The following SMARCA5 variants were observed in gnomAD, a reference collection of about 807,000 sequenced individuals.
SMARCA5 encodes the protein SWI/SNF-related matrix-associated actin-dependent regulator of chromatin subfamily A member 5.
In SMARCA5, 18 loss-of-function variants were observed where a neutral mutation model predicts 140.4. The observed-to-expected ratio is 0.13, with a 90% CI of 0.09 to 0.19. The LOEUF is 0.19. SMARCA5 is among the 10% of genes least tolerant of loss of function. The pLI is 1.00. For missense variants in SMARCA5, 606 were observed against 1,276.8 expected (o/e 0.47, Z 8.01); for synonymous variants, 449 against 419.6 (o/e 1.07, Z -0.86).
At chr4:143,546,684 T>G in intron 19 of SMARCA5, 92 bp from the exon 20 acceptor site, 1 of 1,215,542 alleles carries the variant, frequency 8.2e-7, no homozygotes, top group Non-Finnish European at 1.1e-6. Context: ...CTAGTGAAAA[T>G]TTGTTTTTGT....
At chr4:143,547,319 C>A in intron 20 of SMARCA5, 66 bp from the exon 21 acceptor site, 1 of 832,484 alleles carries the variant, frequency 1.2e-6, no homozygotes, top group South Asian at 1.6e-5. Flanking sequence ...TCCAGTTGAT[C>A]CCATTTTTTT....
chr4:143,520,444 A>C (rs1290390868), intron 2 of SMARCA5, among the ~76,000 whole-genome samples: 1 of 152,202 alleles, frequency 6.6e-6, no homozygotes, highest in Non-Finnish European at 1.5e-5. Flanking sequence ...TGACCCAATG[A>C]AACACTATAA....
chr4:143,550,224 A>ATTTTT, intron 23 of SMARCA5, 120 bp downstream of exon 23: 1 of 271,970 alleles, frequency 3.7e-6, no homozygotes, highest in Non-Finnish European at 6.2e-6. Context: ...CATTGCCTTT[A>ATTTTT]CTTTTTTTTT....
chr4:143,536,238 C>T (rs970175980), intron 10 of SMARCA5, among the ~76,000 whole-genome samples: 3 of 151,952 alleles, frequency 2.0e-5, no homozygotes, highest in African/African-American at 2.4e-5. Context: ...AGGCCCAAGG[C>T]GTAAGTATGA....
At chr4:143,518,613 A>C (rs1181250266) in intron 2 of SMARCA5, among the ~76,000 whole-genome samples, 1 of 152,142 alleles carries the variant, frequency 6.6e-6, no homozygotes, top group East Asian at 1.9e-4. Flanking sequence ...ATAGCTTCAA[A>C]ATCTTAAAAT....
rs1013452991 is a variant in SMARCA5, at chr4:143,545,378, T to C, written c.2284-92T>C. On this transcript the variant is annotated intron_variant, in intron 17 of 23. Transcript: ENST00000283131. Reference sequence around the variant, plus strand: ...AAGATGCATTCAGTTGCTTGCAGAATTGGCTGTTGTGGTTTATGAAGTGAG... The same window carrying C: ...AAGATGCATTCAGTTGCTTGCAGAACTGGCTGTTGTGGTTTATGAAGTGAG... 7.9e-5 allele frequency: 59 copies of C among 746,804 alleles called. No homozygotes were observed. The East Asian group carries it at 1.4e-3, about 18-fold the overall frequency. The allele number at this position is 746,804 out of a possible 1,614,324, so 46.3% of individuals were successfully genotyped here. A position where few individuals can be genotyped will look rare whatever the true frequency, so the allele number is the denominator to read the frequency against.
At chr4:143,522,823 C>T (rs1005723893) in intron 3 of SMARCA5, among the ~76,000 whole-genome samples, 1 of 151,760 alleles carries the variant, frequency 6.6e-6, no homozygotes, top group African/African-American at 2.4e-5. Context: ...CCTAATTTAT[C>T]TTTTTTATAA....
chr4:143,548,921 A>AT (rs1376586986), intron 22 of SMARCA5, among the ~76,000 whole-genome samples: 5 of 151,858 alleles, frequency 3.3e-5, no homozygotes, highest in Admixed American at 1.3e-4. Context: ...ACCACTGAAA[A>AT]TTTTTTTTCA....
At chr4:143,528,254 G>A (rs1057329667) in intron 7 of SMARCA5, among the ~76,000 whole-genome samples, 1 of 151,998 alleles carries the variant, frequency 6.6e-6, no homozygotes. Flanking sequence ...CCCACTCCCC[G>A]ACAGGTCCTG....
At chr4:143,517,748 T>C (rs1048886121) in intron 2 of SMARCA5, among the ~76,000 whole-genome samples, 5 of 152,190 alleles carry the variant, frequency 3.3e-5, no homozygotes, top group Admixed American at 6.5e-5. Flanking sequence ...AATCTTTTCC[T>C]AATCACCTCT....
intron 8 of SMARCA5, among the ~76,000 whole-genome samples, chr4:143,529,490 C>T (rs1737139883): frequency 6.6e-6 from 1 of 152,080 alleles, no homozygotes; most frequent in African/African-American, 2.4e-5. Context: ...ACAAATAGAA[C>T]CTAATCTTTA....
intron 14 of SMARCA5, among the ~76,000 whole-genome samples, chr4:143,542,109 C>T (rs1737440174): frequency 2.0e-5 from 3 of 152,164 alleles, no homozygotes; most frequent in African/African-American, 4.8e-5. Context: ...ATCCACCCAC[C>T]TCAGCCTCCC....
intron 13 of SMARCA5, 146 bp downstream of exon 13, chr4:143,539,084 T>G: frequency 1.4e-6 from 1 of 735,742 alleles, no homozygotes; most frequent in Non-Finnish European, 2.2e-6. Context: ...TGAGGTGATC[T>G]TCCATCTAAA....
At chr4:143,548,987 A>G (rs544343509) in intron 22 of SMARCA5, among the ~76,000 whole-genome samples, 12 of 152,256 alleles carry the variant, frequency 7.9e-5, no homozygotes, top group African/African-American at 2.4e-4. Flanking sequence ...ACTTAAATAC[A>G]TGAAGATACT....
Position 143,553,273 on chromosome 4 carries a change from G to A in SMARCA5, c.*89G>A. On this transcript the variant is annotated 3_prime_UTR_variant, in exon 24 of 24. Coordinates refer to ENST00000283131, the MANE Select transcript of SMARCA5 (RefSeq NM_003601.4). Reference sequence around the variant, plus strand: ...AAGATGTACTGTACAATGCTCAATTGTTATGTCATTTAAAGACATCAGGTT... The same window carrying A: ...AAGATGTACTGTACAATGCTCAATTATTATGTCATTTAAAGACATCAGGTT... The A allele has an allele frequency of 3.4e-6, 3 of 880,920 alleles. No individual in the cohort carries two copies. Among genetic ancestry groups the A allele is most frequent in the Non-Finnish European group, 5.7e-6 (3 of 526,322 alleles). The allele number at this position is 880,920 out of a possible 1,614,324, so 54.6% of individuals were successfully genotyped here. A position where few individuals can be genotyped will look rare whatever the true frequency, so the allele number is the denominator to read the frequency against.
At chr4:143,517,100 T>G (rs1175533347) in intron 1 of SMARCA5, among the ~76,000 whole-genome samples, 1 of 152,220 alleles carries the variant, frequency 6.6e-6, no homozygotes, top group Non-Finnish European at 1.5e-5. Flanking sequence ...TTTAGGATGA[T>G]GAAGATAATC....
intron 11 of SMARCA5, 31 bp from the exon 12 acceptor site, chr4:143,538,559 A>G: frequency 6.3e-7 from 1 of 1,598,140 alleles, no homozygotes; most frequent in Non-Finnish European, 8.6e-7. Flanking sequence ...TTTTGAAGCC[A>G]CTGATAATAG....
intron 13 of SMARCA5, among the ~76,000 whole-genome samples, chr4:143,539,662 G>T (rs1191102863): frequency 6.6e-6 from 1 of 151,402 alleles, no homozygotes; most frequent in Non-Finnish European, 1.5e-5. Flanking sequence ...TCAGCCTCCC[G>T]AGTAGCTGGG....
intron 1 of SMARCA5, 198 bp downstream of exon 1, chr4:143,514,299 C>T (rs575974128): frequency 2.3e-4 from 120 of 528,990 alleles, no homozygotes; most frequent in African/African-American, 2.2e-3. Context: ...AAATGGATTT[C>T]TGGCTCCTCA....
Sources: allele counts gnomAD v4.1 joint callset (sites outside exome capture counted in the v4.1 genomes callset), GRCh38; gene constraint gnomAD v4.1.1; transcripts MANE v1.5; gene names NCBI Gene and HGNC (gene_info 2026-07-23, HGNC 2026-07-21).